The following RAMP3 variants were observed in gnomAD, a reference collection of about 807,000 sequenced individuals.
RAMP3 encodes receptor activity-modifying protein 3.
In RAMP3, 14 loss-of-function variants were observed where a neutral mutation model predicts 13.5. That is an observed-to-expected ratio of 1.04 (90% CI 0.69 to 1.63). The LOEUF (loss-of-function observed/expected upper bound fraction) is 1.63, where lower values mean the gene tolerates loss of function less well. Ranked by LOEUF, RAMP3 falls within the 40% of genes most tolerant of loss-of-function variation. The pLI is 0.00. For missense variants in RAMP3, 200 were observed against 204.8 expected, an observed-to-expected ratio of 0.98 and a Z score of 0.14; for synonymous variants, 106 against 88.3, an observed-to-expected ratio of 1.20 and a Z score of -1.12.
chr7:45,180,699 CAT>C (rs1365335178), intron 2 of RAMP3, among the ~76,000 whole-genome samples: 4 of 152,158 alleles, frequency 2.6e-5, no homozygotes, highest in African/African-American at 9.7e-5. Flanking sequence ...GGTGGTGAAA[CAT>C]AAAGGAAGGT....
At chr7:45,163,983 A>AGTGGGTTTTC in intron 1 of RAMP3, 1 of 706,624 alleles carries the variant, frequency 1.4e-6, no homozygotes, top group Non-Finnish European at 1.7e-6. Context: ...CTGTGGCTGA[A>AGTGGGTTTTC]AACCCACTTC....
chr7:45,163,727 G>A (rs1785907248), intron 1 of RAMP3: 1 of 984,972 alleles, frequency 1.0e-6, no homozygotes, highest in Non-Finnish European at 1.2e-6. Context: ...GAAAGGTGAA[G>A]GGCCCTGCTT....
chr7:45,177,547 A>C (rs1786216801), intron 2 of RAMP3, 106 bp downstream of exon 2: 1 of 1,525,094 alleles, frequency 6.6e-7, no homozygotes, highest in Admixed American at 1.8e-5. Flanking sequence ...GGCCTCACCC[A>C]TGCCTCACCC....
chr7:45,167,122 TA>T (rs1248382818), intron 1 of RAMP3, among the ~76,000 whole-genome samples: 5 of 152,076 alleles, frequency 3.3e-5, no homozygotes, highest in Admixed American at 6.5e-5. Context: ...CTCGCCCGGC[TA>T]ATTTTTTGTA....
chr7:45,163,682 T>A (rs1165971943), intron 1 of RAMP3: 2 of 985,294 alleles, frequency 2.0e-6, no homozygotes, highest in Non-Finnish European at 2.4e-6. Context: ...AGAATCAGAA[T>A]CACTCTTTTT....
chr7:45,162,708 T>C (rs1584064284), intron 1 of RAMP3, among the ~76,000 whole-genome samples: 1 of 151,488 alleles, frequency 6.6e-6, no homozygotes, highest in Non-Finnish European at 1.5e-5. Context: ...CTGAGGGGGG[T>C]GGAGAGCCTG....
rs1786368285 is a variant in RAMP3, at chr7:45,183,736, G to A, written c.*324G>A. On this transcript the variant is annotated 3_prime_UTR_variant, in exon 3 of 3. Coordinates refer to ENST00000242249, the MANE Select transcript of RAMP3 (RefSeq NM_005856.3). ...GGCTGGGCCGGAGCCTCTGCCCGCA[G>A]GTTTCTATGCTGTTTCTTAGCACAG... 8.8e-6 allele frequency: 5 copies of A among 571,070 alleles called. No individual in the cohort carries two copies. Among genetic ancestry groups the A allele is most frequent in the African/African-American group, 3.7e-5 (2 of 53,502 alleles). 35.4% of individuals were successfully genotyped at this position (571,070 alleles called of 1,614,324 possible). A position where few individuals can be genotyped will look rare whatever the true frequency, so the allele number is the denominator to read the frequency against.
At chr7:45,171,571 T>G (rs1374864570) in intron 1 of RAMP3, among the ~76,000 whole-genome samples, 1 of 152,200 alleles carries the variant, frequency 6.6e-6, no homozygotes, top group Non-Finnish European at 1.5e-5. Flanking sequence ...TTTCTTTTTT[T>G]AAAAATTATT....
intron 1 of RAMP3, among the ~76,000 whole-genome samples, chr7:45,167,420 G>A (rs1420769694): frequency 2.0e-5 from 3 of 152,162 alleles, no homozygotes; most frequent in African/African-American, 7.2e-5. Flanking sequence ...TATCATAAGT[G>A]TGAGGGTGTA....
At chr7:45,172,029 C>T (rs1000830912) in intron 1 of RAMP3, among the ~76,000 whole-genome samples, 2 of 152,194 alleles carry the variant, frequency 1.3e-5, no homozygotes, top group African/African-American at 2.4e-5. Context: ...ATTGTGGAGC[C>T]TCCACCCTAC....
Position 45,183,480 on chromosome 7 carries a change from C to T in RAMP3, c.*68C>T, listed in dbSNP as rs564021838. 1.6e-5 allele frequency: 25 copies of T among 1,578,306 alleles called. No individual in the cohort carries two copies. The highest frequency in any genetic ancestry group is 5.0e-5 in the Admixed American group (3 of 59,548). ...AGAAAGTTCCCTGGGGATGGGAGAGCGGGTGGGTGCTGCCAATCTCCAGCT... is the reference window on the plus strand; with the variant it reads ...AGAAAGTTCCCTGGGGATGGGAGAGTGGGTGGGTGCTGCCAATCTCCAGCT... On this transcript the variant is annotated 3_prime_UTR_variant, in exon 3 of 3. Transcript: ENST00000242249.
intron 1 of RAMP3, among the ~76,000 whole-genome samples, chr7:45,167,557 T>TC (rs1259740663): frequency 7.7e-6 from 1 of 129,222 alleles, no homozygotes; most frequent in African/African-American, 3.8e-5. Context: ...ACAACTTTGT[T>TC]CTTTTTTTTT....
At chr7:45,178,635 G>T (rs35396373) in intron 2 of RAMP3, among the ~76,000 whole-genome samples, 10,307 of 152,286 alleles carry the variant, frequency 0.068, 406 homozygotes, top group East Asian at 0.1. Flanking sequence ...GATTCAGGAA[G>T]GGGTTTTGCA....
At chr7:45,160,248 C>T (rs910890720) in intron 1 of RAMP3, among the ~76,000 whole-genome samples, 1 of 137,870 alleles carries the variant, frequency 7.3e-6, no homozygotes, top group Non-Finnish European at 1.5e-5. Context: ...AGAGGAATCG[C>T]TTGAACCTGG....
At chr7:45,173,576 G>A (rs1786120460) in intron 1 of RAMP3, among the ~76,000 whole-genome samples, 1 of 152,250 alleles carries the variant, frequency 6.6e-6, no homozygotes, top group South Asian at 2.1e-4. Flanking sequence ...GGACAGCTGA[G>A]CAGGAGGTGG....
chr7:45,158,946 G>A (rs562529458), intron 1 of RAMP3, among the ~76,000 whole-genome samples: 1 of 152,354 alleles, frequency 6.6e-6, no homozygotes, highest in East Asian at 1.9e-4. Flanking sequence ...GGAGCATGCT[G>A]ATTTGGGATT....
rs368438793 is a variant in RAMP3 at position 45,183,046 on chromosome 7, G to C, written c.192-111G>C. 13 of 1,448,464 alleles carry C rather than the reference G, an allele frequency of 9.0e-6. No homozygotes were observed. The East Asian group carries it at 9.2e-5, about 10-fold the overall frequency. 89.7% of individuals were successfully genotyped at this position (1,448,464 alleles called of 1,614,324 possible). A position where few individuals can be genotyped will look rare whatever the true frequency, so the allele number is the denominator to read the frequency against. ...TTCCAAGGCTGGGCTGTGAATAGGTGGCCAAATGGGACTGTACCCAAGCCA... is the reference window on the plus strand; with the variant it reads ...TTCCAAGGCTGGGCTGTGAATAGGTCGCCAAATGGGACTGTACCCAAGCCA... On this transcript the variant is annotated intron_variant, in intron 2 of 2. Transcript: ENST00000242249.
chr7:45,169,475 A>G (rs529584325), intron 1 of RAMP3, among the ~76,000 whole-genome samples: 50 of 152,110 alleles, frequency 3.3e-4, no homozygotes, highest in African/African-American at 1.1e-3. Flanking sequence ...TAGATTTTTG[A>G]TGTCTTCTTG....
At chr7:45,160,383 G>A (rs1785842319) in intron 1 of RAMP3, among the ~76,000 whole-genome samples, 1 of 143,782 alleles carries the variant, frequency 7.0e-6, no homozygotes, top group Non-Finnish European at 1.5e-5. Flanking sequence ...ACTTGAAGGT[G>A]GTGATTGGCC....
Sources: allele counts gnomAD v4.1 joint callset (sites outside exome capture counted in the v4.1 genomes callset), GRCh38; gene constraint gnomAD v4.1.1; transcripts MANE v1.5; gene names NCBI Gene and HGNC (gene_info 2026-07-23, HGNC 2026-07-21).